The following DICER1 variants were observed in gnomAD, a reference collection of about 807,000 sequenced individuals.
The protein encoded by DICER1 is dicer 1, ribonuclease III.
In DICER1, 43 loss-of-function variants were observed where a neutral mutation model predicts 194.1. The observed-to-expected ratio is 0.22, with a 90% CI of 0.17 to 0.29. The LOEUF (loss-of-function observed/expected upper bound fraction) is 0.29. Ranked by LOEUF, DICER1 falls within the 10% of genes least tolerant of loss-of-function variation. The pLI is 1.00. For missense variants in DICER1, 1,608 were observed against 2,317.0 expected (o/e 0.69, Z 6.28); for synonymous variants, 832 against 820.5 (o/e 1.01, Z -0.24).
intron 12 of DICER1, among the ~76,000 whole-genome samples, chr14:95,112,658 C>A (rs771594455): frequency 6.6e-6 from 1 of 152,062 alleles, no homozygotes. Context: ...GTACTGAGAC[C>A]AAGAACAGTA....
intron 1 of DICER1, among the ~76,000 whole-genome samples, chr14:95,135,271 C>T (rs1364569560): frequency 6.6e-6 from 1 of 152,158 alleles, no homozygotes. Context: ...AACCCAAATG[C>T]TAATCCTAGA....
In DICER1 at chr14:95,128,648, C is replaced by T. The variant is rs537194213; in HGVS notation, c.734+824G>A. 2.0e-5 allele frequency among the ~76,000 whole-genome samples: 3 copies of T among 152,296 alleles called. No individual in the cohort carries two copies. The East Asian group carries it at 5.8e-4, about 29-fold the overall frequency. On this transcript the variant is annotated intron_variant, in intron 6 of 26. Coordinates refer to ENST00000343455, the MANE Select transcript of DICER1 (RefSeq NM_177438.3). ...GAATCCCATGAAACCACTGTCAATG[C>T]CATTTTACAAGTTCAAGGAAATAAG...
chr14:95,145,675 GAAA>G (rs899490079), intron 1 of DICER1, among the ~76,000 whole-genome samples: 3 of 142,224 alleles, frequency 2.1e-5, no homozygotes, highest in African/African-American at 7.7e-5. Flanking sequence ...AGACTAAAGA[GAAA>G]AAAAAAACAA....
Position 95,103,780 on chromosome 14 carries a change from TGTA to T in DICER1, c.3613_3615del (p.Tyr1205del), listed in dbSNP as rs748134383. 2.5e-6 allele frequency: 4 copies of T among 1,614,204 alleles called. No individual in the cohort carries two copies. The highest frequency in any genetic ancestry group is 2.5e-6 in the Non-Finnish European group (3 of 1,180,024). ...GTTGGTTGCACGGGTATTTCCTGCT[TGTA>T]GTAATTTAGCTGATTTCCTTGGCAA... On this transcript the variant is annotated inframe_deletion, in exon 21 of 27. Coordinates refer to ENST00000343455, the MANE Select transcript of DICER1 (RefSeq NM_177438.3).
At chr14:95,126,849 TAAAA>T in intron 6 of DICER1, 101 bp from the exon 7 acceptor site, 7 of 334,024 alleles carry the variant, frequency 2.1e-5, no homozygotes, top group East Asian at 5.4e-5. Flanking sequence ...GAATAGATAC[TAAAA>T]AAAAAAAAAA....
Position 95,087,404 on chromosome 14 carries a change from A to G in DICER1, c.*3094T>C, listed in dbSNP as rs183203101. The G allele has an allele frequency of 4.3e-6, 1 of 233,420 alleles. No individual in the cohort carries two copies. Among genetic ancestry groups the G allele is most frequent in the Admixed American group, 5.6e-5 (1 of 17,808 alleles). The allele number at this position is 233,420 out of a possible 1,614,324, so 14.5% of individuals were successfully genotyped here. A position where few individuals can be genotyped will look rare whatever the true frequency, so the allele number is the denominator to read the frequency against. On this transcript the variant is annotated 3_prime_UTR_variant, in exon 27 of 27. Transcript: ENST00000343455. ...AGAGTTCAGTTAACAAATCTGTTTC[A>G]TACTTTCACAAACAGTAAAAATGCC... is the stretch of plus-strand genomic sequence containing the variant.
In DICER1 at chr14:95,140,641, G is replaced by C. The variant is rs567204326; in HGVS notation, c.-45-7138C>G. 87 of 152,298 alleles carry C rather than the reference G, an allele frequency of 5.7e-4. 1 individual carries two copies. Among genetic ancestry groups the C allele is most frequent in the African/African-American group, 1.9e-3 (80 of 41,582 alleles). The allele number at this position is 152,298 out of a possible 1,614,324, so 9.4% of individuals were successfully genotyped here. ...ATAAACTCTCTTCCTCTTTCCACATGATGAATCACAGATTTACCGTTTTAA... is the reference window on the plus strand; with the variant it reads ...ATAAACTCTCTTCCTCTTTCCACATCATGAATCACAGATTTACCGTTTTAA... On this transcript the variant is annotated intron_variant, in intron 1 of 26. Transcript: ENST00000343455.
rs1595407206 is a variant in DICER1 at position 95,115,808 on chromosome 14, T to C, written c.1766A>G (p.Lys589Arg). 6.2e-7 allele frequency: 1 copy of C among 1,614,166 alleles called. No homozygotes were observed. Among genetic ancestry groups the C allele is most frequent in the Non-Finnish European group, 8.5e-7 (1 of 1,180,004 alleles). ...ACCAGTATCAACCGACTTGGAACAC[T>C]TGTTTCTCAAGATCTGAACATTTAA... ...YKAIEKILRN[K>R]CSKSVDTGET... Residue 589 changes from lysine (K) to arginine (R), a missense_variant, in exon 11 of 27, where the codon AAG becomes AGG. Around this residue, in one of 10 missense-constraint regions of DICER1, gnomAD observed 657 missense variants for 910.1 expected, o/e 0.72. Coordinates refer to ENST00000343455, the MANE Select transcript of DICER1 (RefSeq NM_177438.3).
intron 1 of DICER1, among the ~76,000 whole-genome samples, chr14:95,148,569 C>A (rs1173139307): frequency 2.0e-5 from 3 of 152,202 alleles, no homozygotes. Flanking sequence ...TTCTCTAAAT[C>A]TCTAACATAA....
intron 8 of DICER1, 147 bp from the exon 9 acceptor site, chr14:95,117,901 T>A: frequency 1.4e-6 from 1 of 711,466 alleles, no homozygotes; most frequent in Non-Finnish European, 2.4e-6. Context: ...CCAACTTGCT[T>A]AAACAGAAAT....
chr14:95,144,416 C>T (rs1051737928), intron 1 of DICER1, among the ~76,000 whole-genome samples: 4 of 152,086 alleles, frequency 2.6e-5, no homozygotes, highest in African/African-American at 9.7e-5. Flanking sequence ...CACTACCTCG[C>T]TAACATTGTT....
rs1336090341 is a variant in DICER1 at position 95,088,161 on chromosome 14, A to G, written c.*2337T>C. On this transcript the variant is annotated 3_prime_UTR_variant, in exon 27 of 27. Transcript: ENST00000343455. Reference sequence around the variant, plus strand: ...GTGAAACGGCTGAAGTTTGCTGTTGATAAAACATTTGAATGGTAGAAGGAA... The same window carrying G: ...GTGAAACGGCTGAAGTTTGCTGTTGGTAAAACATTTGAATGGTAGAAGGAA... The G allele has an allele frequency of 3.9e-5, 9 of 232,846 alleles. No individual in the cohort carries two copies. The Admixed American group carries it at 3.9e-4, about 10-fold the overall frequency. The allele number at this position is 232,846 out of a possible 1,614,324, so 14.4% of individuals were successfully genotyped here. A position where few individuals can be genotyped will look rare whatever the true frequency, so the allele number is the denominator to read the frequency against.
At chr14:95,147,643 C>T (rs1895225500) in intron 1 of DICER1, among the ~76,000 whole-genome samples, 1 of 152,324 alleles carries the variant, frequency 6.6e-6, no homozygotes, top group Admixed American at 6.5e-5. Context: ...CTGCAGCGGA[C>T]ACCAGCTGGG....
In DICER1 at chr14:95,124,356, G is replaced by C; in HGVS notation, c.1216C>G (p.Gln406Glu). ...TCACTCCATGACACATAATTATCCT[G>C]ATTTCTATTATTATACCACTCAACG... ...ESVEWYNNRN[Q>E]DNYVSWSDSE... The change falls in exon 8 of 27, where the codon CAG becomes GAG. Residue 406 changes from glutamine (Q) to glutamate (E), a missense_variant. This residue lies in a region of DICER1 where 657 missense variants were observed against 910.1 expected (regional missense o/e 0.72). Transcript: ENST00000343455. The surrounding 1 kb of genome is among the most constrained non-coding windows in gnomAD (Gnocchi z 4.5). The C allele has an allele frequency of 6.2e-7, 1 of 1,613,886 alleles. No homozygotes were observed. The highest frequency in any genetic ancestry group is 8.5e-7 in the Non-Finnish European group (1 of 1,179,854).
intron 15 of DICER1, 26 bp from the exon 16 acceptor site, chr14:95,108,119 C>G (rs960173167): frequency 6.5e-7 from 1 of 1,542,438 alleles, no homozygotes; most frequent in Non-Finnish European, 9.0e-7. Flanking sequence ...TGTAAAGCAC[C>G]CCTCAAAATT....
intron 14 of DICER1, among the ~76,000 whole-genome samples, chr14:95,110,468 C>A (rs1420147282): frequency 2.0e-5 from 3 of 152,182 alleles, no homozygotes; most frequent in African/African-American, 7.2e-5. Context: ...AGTAAGCAGA[C>A]ATGAGGAGAA....
chr14:95,143,626 G>A (rs746468280), intron 1 of DICER1, among the ~76,000 whole-genome samples: 4 of 152,122 alleles, frequency 2.6e-5, no homozygotes, highest in Non-Finnish European at 4.4e-5. Flanking sequence ...GGATGTAATG[G>A]ATTGTAACCA....
chr14:95,150,052 A>G (rs1286825944), intron 1 of DICER1, among the ~76,000 whole-genome samples: 1 of 152,230 alleles, frequency 6.6e-6, no homozygotes, highest in South Asian at 2.1e-4. Context: ...ATTCTCTTCC[A>G]TATTAATGCA....
intron 10 of DICER1, 52 bp from the exon 11 acceptor site, chr14:95,115,873 A>ATGC: frequency 6.3e-7 from 1 of 1,578,348 alleles, no homozygotes; most frequent in South Asian, 1.1e-5. Flanking sequence ...TCTCTGCTGT[A>ATGC]TGCTGTCTGC....
Sources: gnomAD v4.1 joint callset for allele counts (sites outside exome capture counted in the v4.1 genomes callset) on GRCh38, gnomAD v4.1.1 for gene constraint, gnomAD v4.1.1 regional missense constraint, Gnocchi (gnomAD v3.1) non-coding constraint, MANE v1.5 for transcripts, NCBI Gene and HGNC (gene_info 2026-07-23, HGNC 2026-07-21) for gene names.